The following PDE6G variants were observed in gnomAD, a reference collection of about 807,000 sequenced individuals.
PDE6G encodes rod cGMP 3',5'-cyclic phosphodiesterase subunit gamma.
Under a neutral mutation model 10.9 loss-of-function variants are expected in PDE6G, and 10 were observed. The ratio of observed to expected loss-of-function variants is 0.91; its 90% confidence interval spans 0.56 to 1.55. The LOEUF is 1.55. Among genes scored for constraint, PDE6G ranks in the 40% most tolerant of loss-of-function variants. PDE6G has a pLI of 0.00. For missense variants in PDE6G, 102 were observed against 110.1 expected (o/e 0.93, Z 0.33); for synonymous variants, 41 against 42.8 (o/e 0.96, Z 0.16).
At chr17:81,654,683 A>G (rs931287020) in intron 1 of PDE6G, among the ~76,000 whole-genome samples, 1 of 151,336 alleles carries the variant, frequency 6.6e-6, no homozygotes, top group African/African-American at 2.4e-5. Context: ...CGCCCGGCCT[A>G]AAAAAGTTTT....
At chr17:81,656,723 G>A (rs889023956), upstream of PDE6G, 2 of 680,794 alleles carry the variant, frequency 2.9e-6, no homozygotes, top group Non-Finnish European at 5.4e-6. Context: ...AGCAGATGGG[G>A]CCGGGACAGG....
chr17:81,661,648 C>G (rs2036511928), intron 1 of PDE6G, among the ~76,000 whole-genome samples: 1 of 152,072 alleles, frequency 6.6e-6, no homozygotes, highest in African/African-American at 2.4e-5. Flanking sequence ...ATCACAAGGT[C>G]AGGAGTTCAA....
upstream of PDE6G, chr17:81,656,803 G>A (rs567556742): frequency 1.5e-3 from 920 of 609,182 alleles, 1 homozygote; most frequent in Non-Finnish European, 2.2e-3. Flanking sequence ...CAACCACAGT[G>A]TCTGCTGTCT....
chr17:81,660,571 G>A (rs1212109788), upstream of PDE6G, among the ~76,000 whole-genome samples: 1 of 152,182 alleles, frequency 6.6e-6, no homozygotes, highest in African/African-American at 2.4e-5. Flanking sequence ...ACTCACTGCA[G>A]CCTTGACCTC....
At chr17:81,659,524 G>A (rs187578168), upstream of PDE6G, among the ~76,000 whole-genome samples, 7 of 151,562 alleles carry the variant, frequency 4.6e-5, no homozygotes, top group Non-Finnish European at 7.4e-5. Flanking sequence ...ATTTAAACCC[G>A]GGAGGCGGAG....
chr17:81,654,353 G>A (rs1233831390), intron 1 of PDE6G, among the ~76,000 whole-genome samples: 2 of 150,986 alleles, frequency 1.3e-5, no homozygotes, highest in South Asian at 2.1e-4. Flanking sequence ...GCTGGTGGGC[G>A]TCTCCCGGGC....
chr17:81,653,131 C>CAAA lies in PDE6G; in HGVS notation c.146+28_146+29insTTT. ...AGCCTCAGGACCGCCTCCTCCCTTT[C>CAAA]AGAGGCCCCATCCCCCAGCTCTGCT... is the stretch of plus-strand genomic sequence containing the variant. On this transcript the variant is annotated intron_variant, in intron 2 of 3. Transcript: ENST00000331056. The surrounding 1 kb of genome is among the most constrained non-coding windows in gnomAD (Gnocchi z 5.2). The CAAA allele has an allele frequency of 6.2e-7, 1 of 1,607,854 alleles. No individual in the cohort carries two copies. Among genetic ancestry groups the CAAA allele is most frequent in the Non-Finnish European group, 8.5e-7 (1 of 1,176,414 alleles).
chr17:81,659,529 GC>G (rs1267247986), upstream of PDE6G, among the ~76,000 whole-genome samples: 1 of 151,980 alleles, frequency 6.6e-6, no homozygotes, highest in Non-Finnish European at 1.5e-5. Flanking sequence ...AACCCGGGAG[GC>G]GGAGGTTGCA....
upstream of PDE6G, among the ~76,000 whole-genome samples, chr17:81,659,931 C>T (rs62080198): frequency 0.033 from 5,072 of 151,686 alleles, 130 homozygotes; most frequent in African/African-American, 0.067. Context: ...TACAAAAATA[C>T]AAAATTAGCC....
chr17:81,659,297 C>T (rs561983383), upstream of PDE6G, among the ~76,000 whole-genome samples: 3 of 151,280 alleles, frequency 2.0e-5, no homozygotes, highest in Admixed American at 6.6e-5. Flanking sequence ...GGTGACAGAG[C>T]GAGACCTCAA....
intron 1 of PDE6G, among the ~76,000 whole-genome samples, chr17:81,662,483 CG>C (rs2036521833): frequency 6.6e-6 from 1 of 151,988 alleles, no homozygotes; most frequent in Non-Finnish European, 1.5e-5. Context: ...ATTAGCCAGA[CG>C]CTGTGGGGCA....
chr17:81,656,982 C>T (rs547946386), upstream of PDE6G: 103 of 254,574 alleles, frequency 4.0e-4, no homozygotes, highest in Admixed American at 1.5e-3. Flanking sequence ...AACAAGGACC[C>T]CCCCCCGCCC....
In PDE6G at chr17:81,651,497, G is replaced by T. The variant is rs2036353961; in HGVS notation, c.187+148C>A. ...TCCAGTGGATCTGGAGCTCAGTGTT[G>T]GGGGAAGAAGTGATGGACAGGCTGG... On this transcript the variant is annotated intron_variant, in intron 3 of 3. Coordinates refer to ENST00000331056, the MANE Select transcript of PDE6G (RefSeq NM_002602.4). The surrounding 1 kb of genome is among the most constrained non-coding windows in gnomAD (Gnocchi z 4.8). The T allele has an allele frequency of 1.3e-6, 1 of 740,896 alleles. No homozygotes were observed. Among genetic ancestry groups the T allele is most frequent in the Non-Finnish European group, 2.4e-6 (1 of 413,888 alleles). 45.9% of individuals were successfully genotyped at this position (740,896 alleles called of 1,614,324 possible).
At chr17:81,658,880 ATG>A (rs1404646303), upstream of PDE6G, among the ~76,000 whole-genome samples, 1 of 152,098 alleles carries the variant, frequency 6.6e-6, no homozygotes, top group Non-Finnish European at 1.5e-5. Flanking sequence ...ATAAAATAAA[ATG>A]TATGAGTACT....
upstream of PDE6G, among the ~76,000 whole-genome samples, chr17:81,658,241 C>G (rs1362084133): frequency 6.6e-6 from 1 of 151,878 alleles, no homozygotes; most frequent in East Asian, 2.0e-4. Context: ...CCCACCACCA[C>G]GCCCAGCTAA....
intron 1 of PDE6G, among the ~76,000 whole-genome samples, chr17:81,654,648 C>T (rs1299122691): frequency 6.6e-6 from 1 of 152,008 alleles, no homozygotes; most frequent in Non-Finnish European, 1.5e-5. Flanking sequence ...TCCCAAAGTG[C>T]AGGGATTACA....
chr17:81,651,819 C>T lies in PDE6G; in HGVS notation c.147-134G>A. 1.1e-6 allele frequency: 1 copy of T among 890,520 alleles called. No individual in the cohort carries two copies. Among genetic ancestry groups the T allele is most frequent in the Non-Finnish European group, 1.8e-6 (1 of 553,022 alleles). 55.2% of individuals were successfully genotyped at this position (890,520 alleles called of 1,614,324 possible). ...AGCCCAGTGGGCAGAGACCCGCCTC[C>T]TCCCCAACCTCCCAGGGCTTGGCGC... On this transcript the variant is annotated intron_variant, in intron 2 of 3. Coordinates refer to ENST00000331056, the MANE Select transcript of PDE6G (RefSeq NM_002602.4). This position sits in a 1 kb window ranked among gnomAD's most constrained non-coding sequence, Gnocchi z 4.8.
chr17:81,656,342 G>T (rs1175277637), intron 1 of PDE6G, 151 bp downstream of exon 1: 1 of 635,956 alleles, frequency 1.6e-6, no homozygotes, highest in Non-Finnish European at 2.9e-6. Flanking sequence ...CTGAATAACA[G>T]GGTGGCGGGT....
intron 1 of PDE6G, among the ~76,000 whole-genome samples, chr17:81,654,141 C>T (rs1334644818): frequency 1.3e-5 from 2 of 151,910 alleles, no homozygotes; most frequent in Admixed American, 6.5e-5. Flanking sequence ...TGAAAGTCCT[C>T]TGTGGCTCCT....
Sources: allele counts gnomAD v4.1 joint callset (sites outside exome capture counted in the v4.1 genomes callset), GRCh38; gene constraint gnomAD v4.1.1; non-coding constraint Gnocchi (gnomAD v3.1); transcripts MANE v1.5; gene names NCBI Gene and HGNC (gene_info 2026-07-23, HGNC 2026-07-21).